CPXM2: variants seen among roughly 807,000 people sequenced by gnomAD.
CPXM2 encodes inactive carboxypeptidase-like protein X2.
Under a neutral mutation model 86.1 loss-of-function variants are expected in CPXM2, and 66 were observed. That is an observed-to-expected ratio of 0.77 (90% CI 0.63 to 0.94). The LOEUF (loss-of-function observed/expected upper bound fraction) is 0.94, where lower values mean the gene tolerates loss of function less well. CPXM2 is among the 40% of genes least tolerant of loss of function. The probability of loss-of-function intolerance (pLI) is 0.00; values close to 1 mark genes in which losing one functional copy is unlikely to be tolerated. For synonymous variants in CPXM2, 388 were observed against 400.2 expected (o/e 0.97, Z 0.36); for missense variants, 948 against 1,026.3 (o/e 0.92, Z 1.04).
intron 7 of CPXM2, among the ~76,000 whole-genome samples, chr10:123,776,044 G>A (rs1846779455): frequency 6.6e-6 from 1 of 152,180 alleles, no homozygotes; most frequent in Non-Finnish European, 1.5e-5. Flanking sequence ...GTAAGGAATA[G>A]AATTTTCACC....
At chr10:123,895,121 CT>C (rs869104432), upstream of CPXM2, among the ~76,000 whole-genome samples, 1,195 of 85,834 alleles carry the variant, frequency 0.014, 1 homozygote, top group African/African-American at 0.039. Flanking sequence ...TCTTTTTTTT[CT>C]TTTTTTTTTT....
chr10:123,908,571 G>C (rs1282312196), intron 2 of CPXM2, among the ~76,000 whole-genome samples: 1 of 152,154 alleles, frequency 6.6e-6, no homozygotes, highest in African/African-American at 2.4e-5. Flanking sequence ...GGAGGTCAAG[G>C]CTACCATGGA....
At chr10:123,879,128 T>A (rs1180019456) in intron 2 of CPXM2, among the ~76,000 whole-genome samples, 1 of 152,246 alleles carries the variant, frequency 6.6e-6, no homozygotes, top group African/African-American at 2.4e-5. Flanking sequence ...GTTGTTGACA[T>A]CTGTTTTCAC....
intron 2 of CPXM2, among the ~76,000 whole-genome samples, chr10:123,909,502 C>T (rs890124561): frequency 3.3e-5 from 5 of 152,190 alleles, no homozygotes; most frequent in Admixed American, 2.0e-4. Flanking sequence ...CCCGGCCAGG[C>T]GCTGCTTTCC....
At chr10:123,782,263 C>T (rs1846951761) in intron 6 of CPXM2, among the ~76,000 whole-genome samples, 1 of 152,172 alleles carries the variant, frequency 6.6e-6, no homozygotes, top group African/African-American at 2.4e-5. Flanking sequence ...TCATTTACAC[C>T]TAACTTACTC....
Position 123,754,056 on chromosome 10 carries a change from G to A in CPXM2, c.2017+607C>T, listed in dbSNP as rs1026736465. On this transcript the variant is annotated intron_variant, in intron 13 of 13. Coordinates refer to ENST00000241305, the MANE Select transcript of CPXM2 (RefSeq NM_198148.3). This position sits in a 1 kb window ranked among gnomAD's most constrained non-coding sequence, Gnocchi z 4.0. ...AGAGTGGCATATAGGAGATGCCCAC[G>A]TTTATTGTTACTGTTATTCTTATCC... Among the ~76,000 whole-genome samples the A allele has an allele frequency of 1.3e-5, 2 of 152,310 alleles. No individual in the cohort carries two copies. The highest frequency in any genetic ancestry group is 2.1e-4 in the South Asian group (1 of 4,822).
intron 4 of CPXM2, among the ~76,000 whole-genome samples, chr10:123,809,336 A>G (rs1227928619): frequency 6.6e-6 from 1 of 152,190 alleles, no homozygotes; most frequent in African/African-American, 2.4e-5. Context: ...TAAGATTGCT[A>G]AGATCTATAG....
In CPXM2 at chr10:123,857,653, T is replaced by TGGAGAC. The variant is rs1564800709; in HGVS notation, c.513+4960_513+4961insGTCTCC. Among the ~76,000 whole-genome samples, 177 of 101,312 alleles carry TGGAGAC rather than the reference T, an allele frequency of 1.7e-3. 1 individual carries two copies. The highest frequency in any genetic ancestry group is 2.4e-3 in the Admixed American group (23 of 9,538). The allele number at this position is 101,312 out of a possible 152,430, so 66.5% of individuals were successfully genotyped here. A position where few individuals can be genotyped will look rare whatever the true frequency, so the allele number is the denominator to read the frequency against. On this transcript the variant is annotated intron_variant, in intron 3 of 13. Transcript: ENST00000241305. Reference sequence around the variant, plus strand: ...GTGGAGATGGAAGGCGGCGTGGAGATGGAAGGCGGCGTGGAGATGGAAGGC... The same window carrying TGGAGAC: ...GTGGAGATGGAAGGCGGCGTGGAGATGGAGACGGAAGGCGGCGTGGAGATGGAAGGC...
chr10:123,868,377 A>G (rs1590084045), intron 2 of CPXM2, among the ~76,000 whole-genome samples: 2 of 152,336 alleles, frequency 1.3e-5, no homozygotes, highest in East Asian at 1.9e-4. Context: ...CAAGATCCAC[A>G]GCATGAATGA....
chr10:123,866,076 C>T (rs575192285), intron 2 of CPXM2, among the ~76,000 whole-genome samples: 1 of 152,088 alleles, frequency 6.6e-6, no homozygotes, highest in Non-Finnish European at 1.5e-5. Context: ...ACCTTCCTTC[C>T]TTGTTTGGAC....
intron 6 of CPXM2, among the ~76,000 whole-genome samples, chr10:123,791,154 C>A (rs893031131): frequency 8.5e-5 from 13 of 152,158 alleles, no homozygotes; most frequent in African/African-American, 2.4e-4. Flanking sequence ...TGGCTCACAC[C>A]TGTAATCCCA....
chr10:123,759,392 T>G (rs1846284303), intron 11 of CPXM2, among the ~76,000 whole-genome samples: 1 of 152,158 alleles, frequency 6.6e-6, no homozygotes, highest in South Asian at 2.1e-4. Flanking sequence ...GAGCCTGCCA[T>G]TTTGCAATAT....
intron 2 of CPXM2, among the ~76,000 whole-genome samples, chr10:123,910,373 C>T (rs1021628567): frequency 1.3e-5 from 2 of 152,118 alleles, no homozygotes; most frequent in Non-Finnish European, 1.5e-5. Flanking sequence ...GACCTCCACC[C>T]GGACAGAACC....
At chr10:123,782,435 G>C (rs1846956432) in intron 6 of CPXM2, among the ~76,000 whole-genome samples, 1 of 152,188 alleles carries the variant, frequency 6.6e-6, no homozygotes, top group Non-Finnish European at 1.5e-5. Flanking sequence ...AGAGCTCTAT[G>C]TTTGGCAACA....
chr10:123,803,047 G>A (rs905157781), intron 4 of CPXM2, among the ~76,000 whole-genome samples: 2 of 143,922 alleles, frequency 1.4e-5, no homozygotes, highest in South Asian at 2.3e-4. Flanking sequence ...TTCTAGATAT[G>A]AGTTGAATAT....
chr10:123,761,819 C>G, intron 11 of CPXM2, 53 bp downstream of exon 11: 1 of 1,537,490 alleles, frequency 6.5e-7, no homozygotes, highest in Non-Finnish European at 8.9e-7. Flanking sequence ...GGAGGAGACC[C>G]CTGCAGCGTC....
At chr10:123,763,594 G>T (rs1589972365) in intron 10 of CPXM2, among the ~76,000 whole-genome samples, 3 of 150,052 alleles carry the variant, frequency 2.0e-5, no homozygotes, top group Admixed American at 6.6e-5. Context: ...ACTGCTGGTT[G>T]CCTTCTGCAA....
intron 2 of CPXM2, among the ~76,000 whole-genome samples, chr10:123,878,329 A>G (rs1336005481): frequency 2.1e-5 from 3 of 139,972 alleles, no homozygotes; most frequent in Non-Finnish European, 4.5e-5. Flanking sequence ...TTTTTTAGTA[A>G]AAGAAGTTTC....
chr10:123,873,139 A>C (rs957041900), intron 2 of CPXM2, among the ~76,000 whole-genome samples: 5 of 152,326 alleles, frequency 3.3e-5, no homozygotes, highest in South Asian at 2.1e-4. Flanking sequence ...TTTCATATAC[A>C]TTACGATTTA....
Sources: allele counts gnomAD v4.1 joint callset (sites outside exome capture counted in the v4.1 genomes callset), GRCh38; gene constraint gnomAD v4.1.1; non-coding constraint Gnocchi (gnomAD v3.1); transcripts MANE v1.5; gene names NCBI Gene and HGNC (gene_info 2026-07-23, HGNC 2026-07-21).